The following C2CD4A variants were observed in gnomAD, a reference collection of about 807,000 sequenced individuals.
C2CD4A encodes C2 calcium-dependent domain-containing protein 4A.
In C2CD4A, 2 loss-of-function variants were observed where a neutral mutation model predicts 0.4. The observed-to-expected ratio is 4.45, with a 90% CI of 1.82 to 13.99. The LOEUF is 13.99. Ranked by LOEUF, C2CD4A falls within the 30% of genes most tolerant of loss-of-function variation. The pLI is 0.04. For synonymous variants in C2CD4A, 297 were observed against 280.8 expected (o/e 1.06, Z -0.58); for missense variants, 610 against 574.2 (o/e 1.06, Z -0.64).
In C2CD4A at chr15:62,067,795, T is replaced by G. The variant is rs1335974922; in HGVS notation, c.182T>G (p.Leu61Trp). Reference protein sequence around the residue: ...IPPRLMPRLALAALRNSWVEE... With the variant: ...IPPRLMPRLAWAALRNSWVEE... Reference sequence around the variant, plus strand: ...CCACGGCTCATGCCCCGCCTGGCCTTGGCTGCGCTCCGGAATTCTTGGGTC... The same window carrying G: ...CCACGGCTCATGCCCCGCCTGGCCTGGGCTGCGCTCCGGAATTCTTGGGTC... Residue 61 changes from leucine (L) to tryptophan (W), a missense_variant, in exon 2 of 2, where the codon TTG (leucine) becomes TGG (tryptophan). Coordinates refer to ENST00000355522, the MANE Select transcript of C2CD4A (RefSeq NM_207322.3). 1.9e-6 allele frequency: 3 copies of G among 1,612,502 alleles called. No individual in the cohort carries two copies. The highest frequency in any genetic ancestry group is 1.3e-5 in the African/African-American group (1 of 74,908).
Position 62,068,237 on chromosome 15 carries a change from CAG to C in C2CD4A, c.625_626del (p.Ser209ArgfsTer112). 7.3e-7 allele frequency: 1 copy of C among 1,376,968 alleles called. No homozygotes were observed. Among genetic ancestry groups the C allele is most frequent in the Admixed American group, 3.0e-5 (1 of 33,632 alleles). 85.3% of individuals were successfully genotyped at this position (1,376,968 alleles called of 1,614,324 possible). A position where few individuals can be genotyped will look rare whatever the true frequency, so the allele number is the denominator to read the frequency against. On this transcript the variant is annotated frameshift_variant, in exon 2 of 2. Coordinates refer to ENST00000355522, the MANE Select transcript of C2CD4A (RefSeq NM_207322.3). The part of the protein sequence containing the change: ...RRLTRVRSVS[S>X]GNEDKERRAG... ...GCCTGACCCGCGTCCGCTCCGTCTC[CAG>C]CGGGAACGAGGACAAGGAGCGCCGC...
rs979248439 is a variant in C2CD4A, at chr15:62,070,171, CT to C, written c.*1456del. On this transcript the variant is annotated 3_prime_UTR_variant, in exon 2 of 2. Coordinates refer to ENST00000355522, the MANE Select transcript of C2CD4A (RefSeq NM_207322.3). ...TTCACTGCCAGCAGGGCATTTTTTT[CT>C]TTTTTTTATGCAAATAGGAAAATGC... The C allele has an allele frequency of 4.9e-6, 2 of 408,478 alleles. No homozygotes were observed. The highest frequency in any genetic ancestry group is 4.4e-5 in the Admixed American group (1 of 22,578). 25.3% of individuals were successfully genotyped at this position (408,478 alleles called of 1,614,324 possible).
At position 62,067,747 on chromosome 15, in the gene C2CD4A, G is replaced by T; in HGVS notation, c.134G>T (p.Arg45Leu). 4 of 1,612,794 alleles carry T rather than the reference G, an allele frequency of 2.5e-6. No individual in the cohort carries two copies. The East Asian group carries it at 8.9e-5, about 36-fold the overall frequency. The stretch of plus-strand genomic sequence containing the variant: ...TGCGCAAATGTGCTCACTCCGGACC[G>T]CATCCCTGAGTTCTGCATCCCGCCA... Reference protein sequence around the residue: ...AACANVLTPDRIPEFCIPPRL... With the variant: ...AACANVLTPDLIPEFCIPPRL... The change falls in exon 2 of 2, where the codon CGC becomes CTC. Residue 45 changes from arginine to leucine, a missense_variant. Arg to Leu is a moderately radical substitution (Grantham distance 102, BLOSUM62 -2). Coordinates refer to ENST00000355522, the MANE Select transcript of C2CD4A (RefSeq NM_207322.3).
In C2CD4A at chr15:62,067,809, A is replaced by G; in HGVS notation, c.196A>G (p.Asn66Asp). Reference protein sequence around the residue: ...MPRLALAALRNSWVEEAGMDE... With the variant: ...MPRLALAALRDSWVEEAGMDE... ...CCGCCTGGCCTTGGCTGCGCTCCGG[A>G]ATTCTTGGGTCGAAGAAGCAGGGAT... is the stretch of plus-strand genomic sequence containing the variant. The change falls in exon 2 of 2, where the codon AAT becomes GAT. Residue 66 changes from asparagine to aspartate, a missense_variant. Physicochemically the swap from Asn to Asp is conservative, Grantham distance 23 (BLOSUM62 1). Coordinates refer to ENST00000355522, the MANE Select transcript of C2CD4A (RefSeq NM_207322.3). 2 of 1,612,028 alleles carry G rather than the reference A, an allele frequency of 1.2e-6. No homozygotes were observed. The highest frequency in any genetic ancestry group is 1.7e-6 in the Non-Finnish European group (2 of 1,179,814).
chr15:62,070,203 A>G lies in C2CD4A; in HGVS notation c.*1480A>G, dbSNP rs1160502110. The stretch of plus-strand genomic sequence containing the variant: ...TTATGCAAATAGGAAAATGCATCCT[A>G]AATGAGGGTTTAAAAAATTGAAAAT... On this transcript the variant is annotated 3_prime_UTR_variant, in exon 2 of 2. Coordinates refer to ENST00000355522, the MANE Select transcript of C2CD4A (RefSeq NM_207322.3). 4.9e-6 allele frequency: 2 copies of G among 412,314 alleles called. No homozygotes were observed. Among genetic ancestry groups the G allele is most frequent in the African/African-American group, 4.1e-5 (2 of 48,642 alleles). 25.5% of individuals were successfully genotyped at this position (412,314 alleles called of 1,614,324 possible).
In C2CD4A at chr15:62,068,129, C is replaced by A; in HGVS notation, c.516C>A (p.Leu172=). The change falls in exon 2 of 2, where the codon CTC becomes CTA. Residue 172 remains leucine, a synonymous_variant. Coordinates refer to ENST00000355522, the MANE Select transcript of C2CD4A (RefSeq NM_207322.3). ...PGCPRPPQDA[L]ARRPRGCRLL... ...GTCCCCGCCCGCCCCAGGACGCGCT[C>A]GCCCGGCGGCCCCGCGGCTGCCGCC... is the stretch of plus-strand genomic sequence containing the variant. 8.4e-7 allele frequency: 1 copy of A among 1,190,860 alleles called. No individual in the cohort carries two copies. Among genetic ancestry groups the A allele is most frequent in the Non-Finnish European group, 1.0e-6 (1 of 963,960 alleles). The allele number at this position is 1,190,860 out of a possible 1,614,324, so 73.8% of individuals were successfully genotyped here.
rs1404882708 is a variant in C2CD4A, at chr15:62,068,126, G to C, written c.513G>C (p.Ala171=). The C allele has an allele frequency of 6.7e-6, 8 of 1,186,420 alleles. No individual in the cohort carries two copies. The highest frequency in any genetic ancestry group is 7.3e-6 in the Non-Finnish European group (7 of 961,210). 73.5% of individuals were successfully genotyped at this position (1,186,420 alleles called of 1,614,324 possible). A position where few individuals can be genotyped will look rare whatever the true frequency, so the allele number is the denominator to read the frequency against. Residue 171 remains alanine, a synonymous_variant, in exon 2 of 2, where the codon GCG becomes GCC. Transcript: ENST00000355522. ...APGCPRPPQD[A]LARRPRGCRL... is the part of the protein sequence containing the mutation. ...GCTGTCCCCGCCCGCCCCAGGACGC[G>C]CTCGCCCGGCGGCCCCGCGGCTGCC...
In C2CD4A at chr15:62,068,450, C is replaced by T; in HGVS notation, c.837C>T (p.Ser279=). The change falls in exon 2 of 2, where the codon AGC becomes AGT. Residue 279 remains serine (S), a synonymous_variant. Transcript: ENST00000355522. ...RLRLRLLRAE[S]PAGGAPGPRA... The stretch of plus-strand genomic sequence containing the variant: ...GCCTCCGGCTGCTCCGCGCCGAGAG[C>T]CCGGCCGGAGGCGCCCCCGGGCCCC... 1.4e-6 allele frequency: 2 copies of T among 1,420,218 alleles called. No individual in the cohort carries two copies. The highest frequency in any genetic ancestry group is 1.8e-6 in the Non-Finnish European group (2 of 1,096,456). The allele number at this position is 1,420,218 out of a possible 1,614,324, so 88.0% of individuals were successfully genotyped here.
At position 62,068,524 on chromosome 15, in the gene C2CD4A, C is replaced by A; in HGVS notation, c.911C>A (p.Ala304Glu). Residue 304 changes from alanine to glutamate, a missense_variant, in exon 2 of 2, where the codon GCG becomes GAG. Coordinates refer to ENST00000355522, the MANE Select transcript of C2CD4A (RefSeq NM_207322.3). ...LSLVLRPPGTALRQCSTVVGR... is the reference protein window; with the variant it reads ...LSLVLRPPGTELRQCSTVVGR... The stretch of plus-strand genomic sequence containing the variant: ...CTCGTCCTGCGGCCGCCGGGCACCG[C>A]GCTTCGGCAATGCAGCACTGTGGTG... The A allele has an allele frequency of 6.5e-7, 1 of 1,527,128 alleles. No homozygotes were observed. Among genetic ancestry groups the A allele is most frequent in the South Asian group, 1.2e-5 (1 of 81,744 alleles). The allele number at this position is 1,527,128 out of a possible 1,614,324, so 94.6% of individuals were successfully genotyped here. A position where few individuals can be genotyped will look rare whatever the true frequency, so the allele number is the denominator to read the frequency against.
rs1351977287 is a variant in C2CD4A, at chr15:62,067,594, C to G, written c.-20C>G. 6.4e-7 allele frequency: 1 copy of G among 1,566,490 alleles called. No homozygotes were observed. On this transcript the variant is annotated 5_prime_UTR_variant, in exon 2 of 2. Transcript: ENST00000355522. ...CCTTTGTGCACTGCAGGTAGACAAG[C>G]TCCAGCAGAGAGTGGCCAGATGTGG... is the stretch of plus-strand genomic sequence containing the variant.
In C2CD4A at chr15:62,067,708, G is replaced by A. The variant is rs959105900; in HGVS notation, c.95G>A (p.Arg32His). Residue 32 changes from arginine (R) to histidine (H), a missense_variant, in exon 2 of 2, where the codon CGC becomes CAC. Physicochemically the swap from Arg to His is conservative, Grantham distance 29. Coordinates refer to ENST00000355522, the MANE Select transcript of C2CD4A (RefSeq NM_207322.3). ...GGTCGGGCCCGCGGAGCCAAGTCTCGCACCACCGCCGCGTGCGCAAATGTG... is the reference window on the plus strand; with the variant it reads ...GGTCGGGCCCGCGGAGCCAAGTCTCACACCACCGCCGCGTGCGCAAATGTG... ...LPGRARGAKS[R>H]TTAACANVLT... 8 of 1,609,888 alleles carry A rather than the reference G, an allele frequency of 5.0e-6. No individual in the cohort carries two copies. The highest frequency in any genetic ancestry group is 6.8e-6 in the Non-Finnish European group (8 of 1,179,870).
In C2CD4A at chr15:62,070,156, G is replaced by C; in HGVS notation, c.*1433G>C. 2.5e-6 allele frequency: 1 copy of C among 406,246 alleles called. No homozygotes were observed. Among genetic ancestry groups the C allele is most frequent in the Non-Finnish European group, 4.5e-6 (1 of 222,604 alleles). 25.2% of individuals were successfully genotyped at this position (406,246 alleles called of 1,614,324 possible). A position where few individuals can be genotyped will look rare whatever the true frequency, so the allele number is the denominator to read the frequency against. On this transcript the variant is annotated 3_prime_UTR_variant, in exon 2 of 2. Transcript: ENST00000355522. ...CCCTCATCCCTTGAATTCACTGCCA[G>C]CAGGGCATTTTTTTCTTTTTTTTAT...
At position 62,068,927 on chromosome 15, in the gene C2CD4A, T is replaced by C; in HGVS notation, c.*204T>C. On this transcript the variant is annotated 3_prime_UTR_variant, in exon 2 of 2. Transcript: ENST00000355522. ...GAATTTTTTTCAGCAAATGGAATGG[T>C]TCTACAGTGTTTCCCAATATAGACA... 1 of 645,292 alleles carries C rather than the reference T, an allele frequency of 1.5e-6. No individual in the cohort carries two copies. The highest frequency in any genetic ancestry group is 2.4e-6 in the Non-Finnish European group (1 of 414,886). The allele number at this position is 645,292 out of a possible 1,614,324, so 40.0% of individuals were successfully genotyped here. A position where few individuals can be genotyped will look rare whatever the true frequency, so the allele number is the denominator to read the frequency against.
chr15:62,067,993 C>G lies in C2CD4A; in HGVS notation c.380C>G (p.Ala127Gly), dbSNP rs758296364. The change falls in exon 2 of 2, where the codon GCG (alanine) becomes GGG (glycine). Residue 127 changes from alanine to glycine, a missense_variant. Coordinates refer to ENST00000355522, the MANE Select transcript of C2CD4A (RefSeq NM_207322.3). ...KESLLLGGPPAPRPRAHTYGG... is the reference protein window; with the variant it reads ...KESLLLGGPPGPRPRAHTYGG... ...TCGCTCCTGCTCGGGGGCCCGCCCG[C>G]GCCCCGGCCCCGGGCCCACACCTAC... is the stretch of plus-strand genomic sequence containing the variant. 140 of 1,382,452 alleles carry G rather than the reference C, an allele frequency of 1.0e-4. 1 individual carries two copies. In the East Asian group the frequency reaches 4.2e-3, roughly 42 times the overall value. The allele number at this position is 1,382,452 out of a possible 1,614,324, so 85.6% of individuals were successfully genotyped here.
chr15:62,067,443 T>G lies in C2CD4A; in HGVS notation c.-29-142T>G, dbSNP rs1021007130. ...CGCTCACTGAAAAAATAGTTTGCAA[T>G]AGCGGCAAGCAAGAGCAGTTTGCCT... On this transcript the variant is annotated intron_variant, in intron 1 of 1. Coordinates refer to ENST00000355522, the MANE Select transcript of C2CD4A (RefSeq NM_207322.3). The G allele has an allele frequency of 7.5e-6, 5 of 667,832 alleles. No homozygotes were observed. The East Asian group carries it at 8.3e-5, about 11-fold the overall frequency. 41.4% of individuals were successfully genotyped at this position (667,832 alleles called of 1,614,324 possible).
Position 62,068,728 on chromosome 15 carries a change from C to G in C2CD4A, c.*5C>G. 2.0e-6 allele frequency: 3 copies of G among 1,468,626 alleles called. No individual in the cohort carries two copies. 91.0% of individuals were successfully genotyped at this position (1,468,626 alleles called of 1,614,324 possible). On this transcript the variant is annotated 3_prime_UTR_variant, in exon 2 of 2. Coordinates refer to ENST00000355522, the MANE Select transcript of C2CD4A (RefSeq NM_207322.3). The stretch of plus-strand genomic sequence containing the variant: ...GGCGCCCTCCTGCTGCTCTGAGGGC[C>G]CAGCCCTCCCCGGGGCGCTCTGCCC...
In C2CD4A at chr15:62,068,630, T is replaced by C; in HGVS notation, c.1017T>C (p.Val339=). The change falls in exon 2 of 2, where the codon GTT becomes GTC. Residue 339 remains valine (V), a synonymous_variant. Coordinates refer to ENST00000355522, the MANE Select transcript of C2CD4A (RefSeq NM_207322.3). ...AGGACGAAGTGCGCCGCCTGGCCGTTCGAGTCAAGGCCCGGGACGAGGGCC... is the reference window on the plus strand; with the variant it reads ...AGGACGAAGTGCGCCGCCTGGCCGTCCGAGTCAAGGCCCGGGACGAGGGCC... ...LSEDEVRRLA[V]RVKARDEGRG... The C allele has an allele frequency of 6.4e-7, 1 of 1,556,970 alleles. No homozygotes were observed. The highest frequency in any genetic ancestry group is 1.2e-5 in the South Asian group (1 of 84,604).
In C2CD4A at chr15:62,068,210, C is replaced by G. The variant is rs1262970060; in HGVS notation, c.597C>G (p.Arg199=). 4 of 1,354,702 alleles carry G rather than the reference C, an allele frequency of 3.0e-6. No homozygotes were observed. The highest frequency in any genetic ancestry group is 3.8e-6 in the Non-Finnish European group (4 of 1,051,936). The allele number at this position is 1,354,702 out of a possible 1,614,324, so 83.9% of individuals were successfully genotyped here. The part of the protein sequence containing the change: ...LSRALRAGRS[R]RLTRVRSVSS... ...GCGCGCTGCGGGCTGGGAGGAGTCG[C>G]CGCCTGACCCGCGTCCGCTCCGTCT... Residue 199 remains arginine, a synonymous_variant, in exon 2 of 2, where the codon CGC becomes CGG. Coordinates refer to ENST00000355522, the MANE Select transcript of C2CD4A (RefSeq NM_207322.3).
At position 62,069,840 on chromosome 15, in the gene C2CD4A, G is replaced by A. The variant is rs542671594; in HGVS notation, c.*1117G>A. ...TCTGAAACTGTTGACACTGAAGTTC[G>A]TGTCTACTTGTATTCCTCATCCTGC... is the stretch of plus-strand genomic sequence containing the variant. On this transcript the variant is annotated 3_prime_UTR_variant, in exon 2 of 2. Transcript: ENST00000355522. 2 of 167,244 alleles carry A rather than the reference G, an allele frequency of 1.2e-5. No individual in the cohort carries two copies. Among genetic ancestry groups the A allele is most frequent in the East Asian group, 1.9e-4 (1 of 5,190 alleles). 10.4% of individuals were successfully genotyped at this position (167,244 alleles called of 1,614,324 possible). A position where few individuals can be genotyped will look rare whatever the true frequency, so the allele number is the denominator to read the frequency against.
Sources: gnomAD v4.1 joint callset for allele counts on GRCh38, gnomAD v4.1.1 for gene constraint, MANE v1.5 for transcripts, NCBI Gene and HGNC (gene_info 2026-07-23, HGNC 2026-07-21) for gene names.